Variants in SPAG16 observed in about 807,000 individuals in gnomAD.
The protein encoded by SPAG16 is sperm-associated antigen 16 protein.
SPAG16 carries 86 observed loss-of-function variants against 80.4 expected under a neutral mutation model. The ratio of observed to expected loss-of-function variants is 1.07; its 90% CI spans 0.90 to 1.28. The LOEUF is 1.28. SPAG16 is among the 50% of genes most tolerant of loss of function. The probability of loss-of-function intolerance (pLI) is 0.00; values close to 1 mark genes in which losing one functional copy is unlikely to be tolerated. For synonymous variants in SPAG16, 294 were observed against 265.9 expected (o/e 1.11, Z -1.03); for missense variants, 870 against 765.3 (o/e 1.14, Z -1.61).
intron 13 of SPAG16, among the ~76,000 whole-genome samples, chr2:214,042,197 G>A (rs1462225445): frequency 6.6e-6 from 1 of 151,000 alleles, no homozygotes; most frequent in Non-Finnish European, 1.5e-5. Flanking sequence ...GGGTCCAAGT[G>A]ATTCTCCTGC....
chr2:213,918,731 A>G (rs908184923), intron 11 of SPAG16, among the ~76,000 whole-genome samples: 1 of 152,188 alleles, frequency 6.6e-6, no homozygotes, highest in Non-Finnish European at 1.5e-5. Flanking sequence ...ATAAATACCC[A>G]GTCTCAAGTA....
chr2:213,762,873 C>G (rs2068735783), intron 10 of SPAG16, among the ~76,000 whole-genome samples: 11 of 152,078 alleles, frequency 7.2e-5, no homozygotes, highest in Admixed American at 6.5e-4. Flanking sequence ...AAAGTATTTG[C>G]AAGTTGCAAA....
At chr2:214,178,594 A>C (rs1258331367) in intron 15 of SPAG16, among the ~76,000 whole-genome samples, 2 of 151,340 alleles carry the variant, frequency 1.3e-5, no homozygotes, top group African/African-American at 2.4e-5. Flanking sequence ...TTGCTTTTGA[A>C]TGTCTATAGA....
At chr2:214,365,553 T>C (rs1699426171) in intron 15 of SPAG16, among the ~76,000 whole-genome samples, 1 of 152,144 alleles carries the variant, frequency 6.6e-6, no homozygotes, top group African/African-American at 2.4e-5. Flanking sequence ...TATTTTTATA[T>C]AATATGAGGG....
chr2:213,439,376 G>C (rs780706181), intron 9 of SPAG16, among the ~76,000 whole-genome samples: 1 of 152,304 alleles, frequency 6.6e-6, no homozygotes, highest in East Asian at 1.9e-4. Flanking sequence ...CAGACCATTA[G>C]TAGAGATAAG....
chr2:213,492,985 A>G (rs769719809), intron 10 of SPAG16, among the ~76,000 whole-genome samples: 53 of 152,196 alleles, frequency 3.5e-4, no homozygotes, highest in Non-Finnish European at 1.0e-4. Context: ...TGTCACATAC[A>G]TATACGAGAC....
chr2:213,493,679 G>A (rs530761358), intron 10 of SPAG16, among the ~76,000 whole-genome samples: 20 of 152,248 alleles, frequency 1.3e-4, no homozygotes, highest in Non-Finnish European at 1.0e-4. Context: ...AGGTTCAAGG[G>A]ATTCTCCTGC....
chr2:213,437,470 T>G (rs1430440333), intron 9 of SPAG16, among the ~76,000 whole-genome samples: 1 of 152,218 alleles, frequency 6.6e-6, no homozygotes. Flanking sequence ...AAAATCCTCC[T>G]GCATTTTAAA....
intron 10 of SPAG16, among the ~76,000 whole-genome samples, chr2:213,582,526 G>A (rs555074196): frequency 3.3e-5 from 5 of 152,248 alleles, no homozygotes; most frequent in African/African-American, 4.8e-5. Context: ...ATTGGGGCAA[G>A]AACGAAGATA....
At chr2:213,849,294 A>G (rs983763083) in intron 10 of SPAG16, among the ~76,000 whole-genome samples, 2 of 152,094 alleles carry the variant, frequency 1.3e-5, no homozygotes, top group Admixed American at 6.6e-5. Flanking sequence ...GAATGGCACC[A>G]CGACATCCAT....
At position 213,685,480 on chromosome 2, in the gene SPAG16, AG is replaced by A. The variant is rs1179966139; in HGVS notation, c.1071-177004del. On this transcript the variant is annotated intron_variant, in intron 10 of 15. Transcript: ENST00000331683. ...GGAGCATGACTCTGCTAACACCTTGAGTTTGGCCTTCTGGCCTCCAGAAGTG... is the reference window on the plus strand; with the variant it reads ...GGAGCATGACTCTGCTAACACCTTGATTTGGCCTTCTGGCCTCCAGAAGTG... 1.3e-4 allele frequency among the ~76,000 whole-genome samples: 20 copies of A among 152,336 alleles called. 2 individuals are homozygous for A. The highest frequency in any genetic ancestry group is 4.6e-4 in the African/African-American group (19 of 41,582).
intron 10 of SPAG16, among the ~76,000 whole-genome samples, chr2:213,778,389 A>T (rs1665435415): frequency 6.6e-6 from 1 of 152,240 alleles, no homozygotes; most frequent in South Asian, 2.1e-4. Context: ...AATAGACTTA[A>T]TTACTAAAGT....
At chr2:214,101,487 A>C (rs1035368842) in intron 13 of SPAG16, among the ~76,000 whole-genome samples, 2 of 152,086 alleles carry the variant, frequency 1.3e-5, no homozygotes, top group African/African-American at 4.8e-5. Flanking sequence ...GAAAATGCGA[A>C]GTTGGGAAGA....
intron 13 of SPAG16, among the ~76,000 whole-genome samples, chr2:214,060,222 C>T (rs1302266298): frequency 1.3e-5 from 2 of 152,158 alleles, no homozygotes; most frequent in Non-Finnish European, 2.9e-5. Flanking sequence ...CGGCTCTACC[C>T]AGATGCCTCC....
intron 10 of SPAG16, among the ~76,000 whole-genome samples, chr2:213,725,361 C>T (rs1023284997): frequency 1.3e-5 from 2 of 152,188 alleles, no homozygotes; most frequent in Admixed American, 1.3e-4. Context: ...CTGTGTGCCT[C>T]ACTAATCTGA....
At chr2:213,459,760 C>G (rs372720824) in intron 9 of SPAG16, among the ~76,000 whole-genome samples, 14 of 152,322 alleles carry the variant, frequency 9.2e-5, no homozygotes, top group African/African-American at 3.4e-4. Flanking sequence ...ATCTATTATT[C>G]TTCATTACAT....
Position 214,058,032 on chromosome 2 carries a change from C to G in SPAG16, c.1527+43955C>G, listed in dbSNP as rs113548024. The stretch of plus-strand genomic sequence containing the variant: ...TGTTGTGGCTGGTTTGATCTTCTAT[C>G]CAGACCACCAAAACTGTCTCCATAA... On this transcript the variant is annotated intron_variant, in intron 13 of 15. Coordinates refer to ENST00000331683, the MANE Select transcript of SPAG16 (RefSeq NM_024532.5). 7.2e-3 allele frequency among the ~76,000 whole-genome samples: 1,095 copies of G among 152,088 alleles called. 18 individuals carry two copies. Among genetic ancestry groups the G allele is most frequent in the African/African-American group, 0.025 (1,058 of 41,500 alleles).
chr2:213,736,895 G>A (rs1336114902), intron 10 of SPAG16, among the ~76,000 whole-genome samples: 2 of 150,146 alleles, frequency 1.3e-5, no homozygotes, highest in African/African-American at 4.9e-5. Flanking sequence ...TAGTAGAAAC[G>A]GGGTTTCACC....
chr2:213,496,701 C>G (rs2074504635), intron 10 of SPAG16, among the ~76,000 whole-genome samples: 2 of 150,286 alleles, frequency 1.3e-5, no homozygotes, highest in Non-Finnish European at 3.0e-5. Flanking sequence ...TTATACATAT[C>G]CATATATACA....
Sources: gnomAD v4.1 joint callset for allele counts (sites outside exome capture counted in the v4.1 genomes callset) on GRCh38, gnomAD v4.1.1 for gene constraint, MANE v1.5 for transcripts, NCBI Gene and HGNC (gene_info 2026-07-23, HGNC 2026-07-21) for gene names.